Variants in LIN7A observed in about 807,000 individuals in gnomAD.
LIN7A encodes lin-7 cell polarity scaffold A.
LIN7A carries 25 observed loss-of-function variants against 29.8 expected under a neutral mutation model. The observed-to-expected ratio is 0.84, with a 90% CI of 0.61 to 1.17. The LOEUF (loss-of-function observed/expected upper bound fraction) is 1.17, where lower values mean the gene tolerates loss of function less well. Ranked by LOEUF, LIN7A falls within the 50% of genes most tolerant of loss-of-function variation. The pLI, the probability that LIN7A is intolerant of heterozygous loss-of-function variation, is 0.00. For missense variants in LIN7A, 239 were observed against 287.0 expected, an observed-to-expected ratio of 0.83 and a Z score of 1.21; for synonymous variants, 118 against 107.5, an observed-to-expected ratio of 1.10 and a Z score of -0.60.
intron 5 of LIN7A, among the ~76,000 whole-genome samples, chr12:80,802,081 G>T (rs1870749046): frequency 6.6e-6 from 1 of 151,978 alleles, no homozygotes; most frequent in South Asian, 2.1e-4. Flanking sequence ...TTTTAGTAGA[G>T]ACAGGGTTTC....
rs147220336 is a variant in LIN7A at position 80,935,059 on chromosome 12, A to C, written c.82+2582T>G. On this transcript the variant is annotated intron_variant, in intron 1 of 5. Coordinates refer to ENST00000552864, the MANE Select transcript of LIN7A (RefSeq NM_004664.4). ...ATGAAATGCACCTCAGTTCACTAGGAAATCACTATATTTTAACATTGCTTA... is the reference window on the plus strand; with the variant it reads ...ATGAAATGCACCTCAGTTCACTAGGCAATCACTATATTTTAACATTGCTTA... 4.5e-3 allele frequency among the ~76,000 whole-genome samples: 689 copies of C among 152,304 alleles called. 5 individuals are homozygous for C. Among genetic ancestry groups the C allele is most frequent in the Middle Eastern group, 0.014 (4 of 294 alleles).
At chr12:80,920,933 C>T (rs1187970647) in intron 1 of LIN7A, among the ~76,000 whole-genome samples, 2 of 152,136 alleles carry the variant, frequency 1.3e-5, no homozygotes, top group Non-Finnish European at 2.9e-5. Flanking sequence ...TGGCCTATGG[C>T]TAAACTGTTC....
At chr12:80,925,469 T>G (rs1359547171) in intron 1 of LIN7A, among the ~76,000 whole-genome samples, 1 of 152,230 alleles carries the variant, frequency 6.6e-6, no homozygotes, top group East Asian at 1.9e-4. Flanking sequence ...AAGCACATGA[T>G]ATCCAGGACT....
At chr12:80,826,001 G>A (rs375175570) in intron 4 of LIN7A, among the ~76,000 whole-genome samples, 12 of 152,154 alleles carry the variant, frequency 7.9e-5, no homozygotes, top group African/African-American at 2.9e-4. Context: ...GTGTAAAATG[G>A]CATGGACATT....
chr12:80,802,478 T>TAG (rs1412294658), intron 5 of LIN7A, among the ~76,000 whole-genome samples: 1 of 152,188 alleles, frequency 6.6e-6, no homozygotes, highest in Non-Finnish European at 1.5e-5. Flanking sequence ...TTTGGATATA[T>TAG]CCCCAGAAGT....
chr12:80,837,566 C>T (rs1249929869), intron 4 of LIN7A, among the ~76,000 whole-genome samples: 1 of 151,986 alleles, frequency 6.6e-6, no homozygotes, highest in African/African-American at 2.4e-5. Context: ...GGAGCACAGC[C>T]CTGTTGATGC....
At chr12:80,840,958 G>A (rs1336651108) in intron 4 of LIN7A, among the ~76,000 whole-genome samples, 1 of 152,152 alleles carries the variant, frequency 6.6e-6, no homozygotes, top group African/African-American at 2.4e-5. Context: ...AGAGCTTTAA[G>A]TGTTTAAAAG....
At chr12:80,864,714 C>A (rs536665189) in intron 2 of LIN7A, among the ~76,000 whole-genome samples, 1 of 152,100 alleles carries the variant, frequency 6.6e-6, no homozygotes, top group Non-Finnish European at 1.5e-5. Context: ...GGCATCAAAA[C>A]GCAACATTTT....
intron 1 of LIN7A, among the ~76,000 whole-genome samples, chr12:80,917,160 T>C (rs1380466092): frequency 6.6e-6 from 1 of 152,150 alleles, no homozygotes; most frequent in Non-Finnish European, 1.5e-5. Context: ...GGAAAAAGCA[T>C]TTCTGGGCAA....
At chr12:80,935,431 C>G (rs1395389379) in intron 1 of LIN7A, among the ~76,000 whole-genome samples, 1 of 152,120 alleles carries the variant, frequency 6.6e-6, no homozygotes, top group East Asian at 1.9e-4. Flanking sequence ...TCATCTAATT[C>G]AAACTCCTGA....
intron 4 of LIN7A, among the ~76,000 whole-genome samples, chr12:80,817,307 C>A (rs767938009): frequency 5.3e-5 from 8 of 151,980 alleles, no homozygotes; most frequent in Non-Finnish European, 1.0e-4. Context: ...AAATTTTGAC[C>A]CTGGCTAGAT....
chr12:80,874,886 A>G (rs539889234), intron 2 of LIN7A, among the ~76,000 whole-genome samples: 16 of 152,068 alleles, frequency 1.1e-4, no homozygotes, highest in Non-Finnish European at 1.9e-4. Context: ...GAGGGAGCTG[A>G]GGTACTCGGG....
At chr12:80,885,348 C>T (rs190720574) in intron 2 of LIN7A, among the ~76,000 whole-genome samples, 114 of 152,144 alleles carry the variant, frequency 7.5e-4, no homozygotes, top group Non-Finnish European at 1.6e-3. Context: ...CTGAGAATAT[C>T]GGTACCATAA....
At chr12:80,822,189 G>T (rs972891939) in intron 4 of LIN7A, among the ~76,000 whole-genome samples, 1 of 152,182 alleles carries the variant, frequency 6.6e-6, no homozygotes, top group African/African-American at 2.4e-5. Context: ...CAGGCAAAGA[G>T]AATGAGAGCC....
chr12:80,844,774 T>A (rs796828519), intron 4 of LIN7A, among the ~76,000 whole-genome samples: 3 of 151,794 alleles, frequency 2.0e-5, no homozygotes, highest in Non-Finnish European at 2.9e-5. Flanking sequence ...CCAGAGAATA[T>A]GTTATGAGAA....
At chr12:80,804,684 G>A (rs953696067) in intron 5 of LIN7A, among the ~76,000 whole-genome samples, 3 of 151,882 alleles carry the variant, frequency 2.0e-5, no homozygotes, top group South Asian at 4.2e-4. Context: ...GATTATAGGC[G>A]TGTGTCACCA....
At chr12:80,800,489 CAAAAAAAAAAAAAAAAAAAAA>C (rs55772850) in intron 5 of LIN7A, among the ~76,000 whole-genome samples, 1 of 38,066 alleles carries the variant, frequency 2.6e-5, no homozygotes. Context: ...AACTCCGTCT[CAAAAAAAAAAAAAAAAAAAAA>C]AAAAAAAAAG....
At chr12:80,825,057 G>C (rs1163553703) in intron 4 of LIN7A, among the ~76,000 whole-genome samples, 2 of 152,184 alleles carry the variant, frequency 1.3e-5, no homozygotes, top group African/African-American at 4.8e-5. Context: ...CAGTCAAGAG[G>C]AGCTCAAACT....
chr12:80,841,373 AAGGAAGGAAGG>A (rs1361388069), intron 4 of LIN7A, among the ~76,000 whole-genome samples: 2 of 147,532 alleles, frequency 1.4e-5, no homozygotes, highest in Non-Finnish European at 3.0e-5. Context: ...GGAAGGAAGG[AAGGAAGGAAGG>A]AAGGAAGGAA....
Sources: allele counts gnomAD v4.1 joint callset (sites outside exome capture counted in the v4.1 genomes callset), GRCh38; gene constraint gnomAD v4.1.1; transcripts MANE v1.5; gene names NCBI Gene and HGNC (gene_info 2026-07-23, HGNC 2026-07-21).